KCNT2: variants seen among roughly 807,000 people sequenced by gnomAD.
KCNT2 encodes potassium sodium-activated channel subfamily T member 2, also known as potassium channel subfamily T member 2.
In KCNT2, 67 loss-of-function variants were observed where a neutral mutation model predicts 153.8. The ratio of observed to expected loss-of-function variants is 0.44; its 90% CI spans 0.36 to 0.53. KCNT2 has a LOEUF of 0.53. Ranked by LOEUF, KCNT2 falls within the 20% of genes least tolerant of loss-of-function variation. The probability of loss-of-function intolerance (pLI) is 0.00; values close to 1 mark genes in which losing one functional copy is unlikely to be tolerated. For synonymous variants in KCNT2, 500 were observed against 458.8 expected (o/e 1.09, Z -1.15); for missense variants, 975 against 1,354.8 (o/e 0.72, Z 4.40).
chr1:196,522,110 T>C (rs1653510600), intron 1 of KCNT2, among the ~76,000 whole-genome samples: 1 of 152,176 alleles, frequency 6.6e-6, no homozygotes, highest in Admixed American at 6.5e-5. Context: ...ATTTAAACAA[T>C]GTGCTTATGC....
intron 14 of KCNT2, among the ~76,000 whole-genome samples, chr1:196,351,146 C>T (rs1288401983): frequency 6.6e-6 from 1 of 152,138 alleles, no homozygotes; most frequent in Non-Finnish European, 1.5e-5. Context: ...GTGATGCCTC[C>T]AGCTTTGTTC....
intron 14 of KCNT2, among the ~76,000 whole-genome samples, chr1:196,348,715 A>T (rs554281206): frequency 6.6e-6 from 1 of 152,268 alleles, no homozygotes; most frequent in South Asian, 2.1e-4. Flanking sequence ...ACAGAAGAAC[A>T]GTATATGTTT....
intron 4 of KCNT2, 47 bp from the exon 5 acceptor site, chr1:196,479,285 T>TTA (rs777342989): frequency 1.8e-6 from 2 of 1,101,916 alleles, no homozygotes; most frequent in South Asian, 2.6e-5. Flanking sequence ...TACAATTAAA[T>TTA]TATATATATT....
intron 26 of KCNT2, among the ~76,000 whole-genome samples, chr1:196,239,445 T>A (rs1313223814): frequency 6.6e-6 from 1 of 151,956 alleles, no homozygotes. Context: ...TTAACTAGCA[T>A]ATACAATTAT....
chr1:196,302,017 G>T (rs1336998716), intron 22 of KCNT2, among the ~76,000 whole-genome samples: 1 of 152,122 alleles, frequency 6.6e-6, no homozygotes, highest in Non-Finnish European at 1.5e-5. Flanking sequence ...TGGGATTACA[G>T]GTGTGAACCA....
intron 27 of KCNT2, among the ~76,000 whole-genome samples, chr1:196,229,755 C>T (rs571130550): frequency 6.6e-6 from 1 of 152,042 alleles, no homozygotes; most frequent in African/African-American, 2.4e-5. Context: ...GCTGAGATGG[C>T]AAAAGTATGA....
intron 26 of KCNT2, among the ~76,000 whole-genome samples, chr1:196,251,921 T>C (rs1159042730): frequency 1.3e-5 from 2 of 151,782 alleles, no homozygotes; most frequent in African/African-American, 2.4e-5. Flanking sequence ...TAAAAATATA[T>C]TTTTCCTTTT....
Position 196,566,106 on chromosome 1 carries a change from G to T in KCNT2, c.95+42109C>A, listed in dbSNP as rs1295271139. Among the ~76,000 whole-genome samples the T allele has an allele frequency of 3.3e-5, 5 of 151,888 alleles. No homozygotes were observed. The East Asian group carries it at 9.6e-4, about 29-fold the overall frequency. On this transcript the variant is annotated intron_variant, in intron 1 of 27. Coordinates refer to ENST00000294725, the MANE Select transcript of KCNT2 (RefSeq NM_198503.5). ...ATTTGTCAATTTTAAAAATGAATTT[G>T]TAAAAAAGAAATAAGCAGACAGTGA...
intron 19 of KCNT2, among the ~76,000 whole-genome samples, chr1:196,320,552 G>T (rs893424443): frequency 6.6e-6 from 1 of 151,600 alleles, no homozygotes; most frequent in Non-Finnish European, 1.5e-5. Context: ...AGCATATGAG[G>T]AGGAGAAGAA....
intron 1 of KCNT2, among the ~76,000 whole-genome samples, chr1:196,584,329 A>G (rs1266389666): frequency 5.9e-5 from 9 of 152,128 alleles, no homozygotes; most frequent in African/African-American, 2.2e-4. Flanking sequence ...GTAATGGTGT[A>G]TAATTTGTAA....
At chr1:196,236,182 G>A (rs916591816) in intron 26 of KCNT2, 112 bp from the exon 27 acceptor site, 8 of 686,586 alleles carry the variant, frequency 1.2e-5, no homozygotes, top group Non-Finnish European at 2.1e-5. Context: ...ACTTGGTATA[G>A]TTTTGTCCAC....
chr1:196,271,706 A>G (rs1419302240), intron 25 of KCNT2, among the ~76,000 whole-genome samples: 1 of 151,976 alleles, frequency 6.6e-6, no homozygotes, highest in Non-Finnish European at 1.5e-5. Context: ...AGAATTACAG[A>G]TGAGCTCAGA....
At chr1:196,389,383 T>C (rs1001062416) in intron 13 of KCNT2, among the ~76,000 whole-genome samples, 3 of 151,726 alleles carry the variant, frequency 2.0e-5, no homozygotes, top group African/African-American at 7.2e-5. Context: ...TCTCCTTTAT[T>C]TTCTGGATAT....
intron 1 of KCNT2, among the ~76,000 whole-genome samples, chr1:196,572,235 T>A (rs939534626): frequency 3.3e-5 from 5 of 152,058 alleles, no homozygotes; most frequent in Non-Finnish European, 7.4e-5. Flanking sequence ...AATATGAAGA[T>A]CCACTAGAGA....
chr1:196,356,822 T>C (rs995417134), intron 14 of KCNT2, among the ~76,000 whole-genome samples: 1 of 151,778 alleles, frequency 6.6e-6, no homozygotes, highest in Non-Finnish European at 1.5e-5. Flanking sequence ...AGACTTGTGG[T>C]GAATTGGTTG....
At chr1:196,286,854 C>T (rs1265419605) in intron 22 of KCNT2, among the ~76,000 whole-genome samples, 2 of 151,954 alleles carry the variant, frequency 1.3e-5, no homozygotes, top group African/African-American at 2.4e-5. Flanking sequence ...CAAATGGTAA[C>T]CTCAAAAATT....
intron 3 of KCNT2, among the ~76,000 whole-genome samples, chr1:196,485,217 A>T (rs1679325104): frequency 6.6e-6 from 1 of 151,890 alleles, no homozygotes; most frequent in Non-Finnish European, 1.5e-5. Context: ...AACACCACAT[A>T]TTCTCACTCA....
chr1:196,258,924 CTA>C (rs1416242799), intron 25 of KCNT2, among the ~76,000 whole-genome samples: 4 of 152,058 alleles, frequency 2.6e-5, no homozygotes, highest in African/African-American at 7.2e-5. Flanking sequence ...ATTAAGATAA[CTA>C]TCTTAGATTT....
Position 196,429,547 on chromosome 1 carries a change from T to C in KCNT2, c.819+30A>G, listed in dbSNP as rs1175204970. ...GATTCAATTTCATGTCTCTGTACATTTCTATGCAATATAAGATGGTTTTGT... is the reference window on the plus strand; with the variant it reads ...GATTCAATTTCATGTCTCTGTACATCTCTATGCAATATAAGATGGTTTTGT... On this transcript the variant is annotated intron_variant, in intron 9 of 27. Transcript: ENST00000294725. 4 of 1,496,276 alleles carry C rather than the reference T, an allele frequency of 2.7e-6. No homozygotes were observed. The Admixed American group carries it at 8.3e-5, about 31-fold the overall frequency. The allele number at this position is 1,496,276 out of a possible 1,614,324, so 92.7% of individuals were successfully genotyped here. A position where few individuals can be genotyped will look rare whatever the true frequency, so the allele number is the denominator to read the frequency against.
Sources: allele counts gnomAD v4.1 joint callset (sites outside exome capture counted in the v4.1 genomes callset), GRCh38; gene constraint gnomAD v4.1.1; transcripts MANE v1.5; gene names NCBI Gene and HGNC (gene_info 2026-07-23, HGNC 2026-07-21).